CDC42SE2: variants seen among roughly 807,000 people sequenced by gnomAD.
CDC42SE2 encodes the protein CDC42 small effector protein 2.
CDC42SE2 carries 3 observed loss-of-function variants against 11.5 expected under a neutral mutation model. The ratio of observed to expected loss-of-function variants is 0.26; its 90% CI spans 0.12 to 0.67. The LOEUF (loss-of-function observed/expected upper bound fraction) is 0.67. Among genes scored for constraint, CDC42SE2 ranks in the 30% least tolerant of loss-of-function variants. The pLI is 0.80. For missense variants in CDC42SE2, 82 were observed against 106.8 expected (o/e 0.77, Z 1.02); for synonymous variants, 33 against 34.8 (o/e 0.95, Z 0.18).
chr5:131,374,096 A>G (rs1364077895), intron 3 of CDC42SE2, among the ~76,000 whole-genome samples: 1 of 152,158 alleles, frequency 6.6e-6, no homozygotes, highest in Non-Finnish European at 1.5e-5. Flanking sequence ...AAGTAATACT[A>G]GGGGAAAATT....
Position 131,332,999 on chromosome 5 carries a change from TTTG to T in CDC42SE2, c.-286+16859_-286+16861del, listed in dbSNP as rs761204002. 5.6e-3 allele frequency among the ~76,000 whole-genome samples: 851 copies of T among 152,348 alleles called. 10 individuals carry two copies. The highest frequency in any genetic ancestry group is 8.6e-3 in the Non-Finnish European group (588 of 68,032). On this transcript the variant is annotated intron_variant, in intron 2 of 4. Coordinates refer to ENST00000505065, the MANE Select transcript of CDC42SE2 (RefSeq NM_001375635.1). ...TAGATCCCATTTATCAATTTTGGCTTTTGTTGCCATTGCTTTTGGTGTTTTAGA... is the reference window on the plus strand; with the variant it reads ...TAGATCCCATTTATCAATTTTGGCTTTTGCCATTGCTTTTGGTGTTTTAGA...
intron 1 of CDC42SE2, among the ~76,000 whole-genome samples, chr5:131,309,938 C>CT (rs1188755897): frequency 1.3e-5 from 2 of 151,964 alleles, no homozygotes; most frequent in Non-Finnish European, 2.9e-5. Context: ...TTTTGTGTCT[C>CT]TATTTCCTTC....
chr5:131,249,095 G>C (rs902131001), intron 1 of CDC42SE2, among the ~76,000 whole-genome samples: 3 of 139,536 alleles, frequency 2.1e-5, no homozygotes, highest in Non-Finnish European at 3.0e-5. Context: ...TTGGCTCACT[G>C]CAACCTCTGC....
chr5:131,330,598 T>G (rs1758401064), intron 2 of CDC42SE2, among the ~76,000 whole-genome samples: 1 of 152,136 alleles, frequency 6.6e-6, no homozygotes, highest in Non-Finnish European at 1.5e-5. Context: ...TTTGGCAGTG[T>G]CTGGAGACAT....
At chr5:131,300,322 A>AG (rs897060303) in intron 1 of CDC42SE2, among the ~76,000 whole-genome samples, 1 of 152,158 alleles carries the variant, frequency 6.6e-6, no homozygotes, top group Non-Finnish European at 1.5e-5. Flanking sequence ...AGGTTGGAAA[A>AG]GGGGGACAGT....
chr5:131,385,600 A>G lies in CDC42SE2; in HGVS notation c.112A>G (p.Thr38Ala). 1 of 1,613,954 alleles carries G rather than the reference A, an allele frequency of 6.2e-7. No homozygotes were observed. Among genetic ancestry groups the G allele is most frequent in the Non-Finnish European group, 8.5e-7 (1 of 1,179,842 alleles). ...TGGAGAGCCCACAAACTTTGTGCAT[A>G]CAGCTCATGTTGGATCAGGAGACCT... ...MIGEPTNFVH[T>A]AHVGSGDLFS... Residue 38 changes from threonine to alanine, a missense_variant, in exon 4 of 5, where the codon ACA becomes GCA. Physicochemically the swap from Thr to Ala is moderately conservative, Grantham distance 58 (BLOSUM62 0). Transcript: ENST00000505065.
chr5:131,330,909 A>G (rs569516360), intron 2 of CDC42SE2, among the ~76,000 whole-genome samples: 4 of 151,972 alleles, frequency 2.6e-5, no homozygotes, highest in African/African-American at 9.6e-5. Flanking sequence ...GCCTGTAGTC[A>G]TAGCTACTCT....
At chr5:131,324,145 A>G (rs1758250210) in intron 2 of CDC42SE2, among the ~76,000 whole-genome samples, 1 of 152,162 alleles carries the variant, frequency 6.6e-6, no homozygotes, top group Admixed American at 6.5e-5. Context: ...TCTTCCAAGT[A>G]TTTATTCTTT....
chr5:131,238,801 TTGTC>T, the CDC42SE2 span, among the ~76,000 whole-genome samples: 1 of 152,086 alleles, frequency 6.6e-6, no homozygotes, highest in African/African-American at 2.4e-5. Flanking sequence ...AAAATCAAAA[TTGTC>T]TGTTGTCTTT....
intron 2 of CDC42SE2, among the ~76,000 whole-genome samples, chr5:131,347,520 C>A (rs925449518): frequency 2.6e-5 from 4 of 151,984 alleles, no homozygotes; most frequent in African/African-American, 9.7e-5. Context: ...GCCTACCAAC[C>A]AAAAAAAGTC....
At chr5:131,336,087 G>C (rs185903291) in intron 2 of CDC42SE2, among the ~76,000 whole-genome samples, 64 of 139,442 alleles carry the variant, frequency 4.6e-4, no homozygotes, top group Non-Finnish European at 7.5e-4. Flanking sequence ...AATTTGGCAT[G>C]TTTTTGCAGT....
At chr5:131,382,183 A>C in intron 3 of CDC42SE2, among the ~76,000 whole-genome samples, 1 of 152,240 alleles carries the variant, frequency 6.6e-6, no homozygotes, top group South Asian at 2.1e-4. Context: ...AGTAAGCTGA[A>C]GTCTTCCCAT....
chr5:131,292,891 T>G (rs1580735491), intron 1 of CDC42SE2, among the ~76,000 whole-genome samples: 2 of 108,638 alleles, frequency 1.8e-5, no homozygotes, highest in African/African-American at 7.8e-5. Flanking sequence ...TGGGTGACAG[T>G]GCGAGACCCT....
intron 2 of CDC42SE2, among the ~76,000 whole-genome samples, chr5:131,256,190 A>C (rs1401352407): frequency 6.6e-6 from 1 of 152,234 alleles, no homozygotes; most frequent in Non-Finnish European, 1.5e-5. Flanking sequence ...TGGAAATAAC[A>C]CAGTAAGTCC....
intron 1 of CDC42SE2, among the ~76,000 whole-genome samples, chr5:131,268,176 C>T (rs986141064): frequency 6.7e-6 from 1 of 148,294 alleles, no homozygotes; most frequent in Non-Finnish European, 1.5e-5. Context: ...GATTCTCCTG[C>T]CTCAGCCTCC....
intron 2 of CDC42SE2, among the ~76,000 whole-genome samples, chr5:131,334,252 A>G (rs1758498114): frequency 1.3e-5 from 2 of 152,090 alleles, no homozygotes; most frequent in South Asian, 2.1e-4. Flanking sequence ...TTCTTTTTGT[A>G]TGCTGGATTA....
At chr5:131,352,422 A>G (rs1396170326) in intron 2 of CDC42SE2, among the ~76,000 whole-genome samples, 2 of 152,240 alleles carry the variant, frequency 1.3e-5, no homozygotes, top group African/African-American at 4.8e-5. Flanking sequence ...TGAATGAAAG[A>G]AGCCAGATGT....
the CDC42SE2 span, among the ~76,000 whole-genome samples, chr5:131,218,564 A>G: frequency 6.6e-6 from 1 of 152,218 alleles, no homozygotes; most frequent in Non-Finnish European, 1.5e-5. Flanking sequence ...AAAGACATGC[A>G]CAAAAATGTT....
At chr5:131,378,708 A>C (rs1031597856) in intron 3 of CDC42SE2, among the ~76,000 whole-genome samples, 3 of 152,228 alleles carry the variant, frequency 2.0e-5, no homozygotes, top group Non-Finnish European at 4.4e-5. Flanking sequence ...CCAGTTACAT[A>C]CTTATGGTGT....
Sources: gnomAD v4.1 joint callset for allele counts (sites outside exome capture counted in the v4.1 genomes callset) on GRCh38, gnomAD v4.1.1 for gene constraint, MANE v1.5 for transcripts, NCBI Gene and HGNC (gene_info 2026-07-23, HGNC 2026-07-21) for gene names.